The following OSBP2 variants were observed in gnomAD, a reference collection of about 807,000 sequenced individuals.
OSBP2 encodes the protein oxysterol binding protein 2, also known as oxysterol-binding protein 2.
Under a neutral mutation model 96.0 loss-of-function variants are expected in OSBP2, and 66 were observed. That is an observed-to-expected ratio of 0.69 (90% CI 0.56 to 0.84). The LOEUF (loss-of-function observed/expected upper bound fraction) is 0.84, where lower values mean the gene tolerates loss of function less well. OSBP2 is among the 40% of genes least tolerant of loss of function. The pLI is 0.00. For missense variants in OSBP2, 1,038 were observed against 1,222.7 expected (o/e 0.85, Z 2.25); for synonymous variants, 525 against 520.9 (o/e 1.01, Z -0.11).
At position 30,876,608 on chromosome 22, in the gene OSBP2, T is replaced by G. The variant is rs542569420; in HGVS notation, c.1107+5926T>G. 1.1e-4 allele frequency among the ~76,000 whole-genome samples: 17 copies of G among 152,332 alleles called. 1 individual carries two copies. The South Asian group carries it at 3.5e-3, about 32-fold the overall frequency. ...CCACCTGTCCCTGGTTGCGTCTTCC[T>G]GCCCTGGTGGCAGTTCCCCCAACAC... On this transcript the variant is annotated intron_variant, in intron 3 of 13. Coordinates refer to ENST00000332585, the MANE Select transcript of OSBP2 (RefSeq NM_030758.4).
At chr22:30,816,444 G>A (rs764380169) in intron 2 of OSBP2, among the ~76,000 whole-genome samples, 53 of 152,228 alleles carry the variant, frequency 3.5e-4, no homozygotes, top group Non-Finnish European at 6.3e-4. Flanking sequence ...CTGAGAAGAC[G>A]CTGATCTCCT....
In OSBP2 at chr22:30,819,116, C is replaced by T. The variant is rs568211441; in HGVS notation, c.854-51313C>T. Among the ~76,000 whole-genome samples the T allele has an allele frequency of 2.6e-5, 4 of 152,312 alleles. No homozygotes were observed. In the South Asian group the frequency reaches 8.3e-4, roughly 32 times the overall value. On this transcript the variant is annotated intron_variant, in intron 2 of 13. Coordinates refer to ENST00000332585, the MANE Select transcript of OSBP2 (RefSeq NM_030758.4). ...TTGAGAGGCCAAGGTGGGTGGATCA[C>T]CTGAGGTCAGGAGTTCAAGACCAGC...
At chr22:30,788,805 C>T (rs1223153475) in intron 2 of OSBP2, among the ~76,000 whole-genome samples, 8 of 152,164 alleles carry the variant, frequency 5.3e-5, no homozygotes, top group African/African-American at 9.6e-5. Context: ...CTCTGCCTCC[C>T]GGGTTCAAGC....
intron 2 of OSBP2, among the ~76,000 whole-genome samples, chr22:30,775,660 G>A (rs1276997462): frequency 6.6e-6 from 1 of 152,044 alleles, no homozygotes; most frequent in African/African-American, 2.4e-5. Context: ...TCAAGACCAC[G>A]ATCCTACCTG....
chr22:30,743,524 C>A (rs986685014), intron 2 of OSBP2, among the ~76,000 whole-genome samples: 2 of 152,040 alleles, frequency 1.3e-5, no homozygotes, highest in Admixed American at 6.6e-5. Flanking sequence ...GTGTTGGGAC[C>A]CCCAGAAGGA....
At chr22:30,886,569 C>A (rs534545444) in intron 3 of OSBP2, among the ~76,000 whole-genome samples, 29 of 152,270 alleles carry the variant, frequency 1.9e-4, no homozygotes, top group African/African-American at 7.0e-4. Flanking sequence ...TTTTCCCCCA[C>A]AAAGGACAGC....
At chr22:30,886,527 C>A (rs1195157608) in intron 3 of OSBP2, among the ~76,000 whole-genome samples, 1 of 152,208 alleles carries the variant, frequency 6.6e-6, no homozygotes, top group African/African-American at 2.4e-5. Flanking sequence ...AACGATCTAG[C>A]TCTGTGAATA....
chr22:30,880,248 G>A (rs934790658), intron 3 of OSBP2, among the ~76,000 whole-genome samples: 12 of 152,214 alleles, frequency 7.9e-5, no homozygotes, highest in Admixed American at 2.6e-4. Flanking sequence ...GAGGATCAGC[G>A]TGGAGGGTGG....
intron 2 of OSBP2, among the ~76,000 whole-genome samples, chr22:30,750,425 A>AT (rs1294646091): frequency 6.6e-6 from 1 of 152,182 alleles, no homozygotes; most frequent in Non-Finnish European, 1.5e-5. Context: ...CTGGTGGGTC[A>AT]TGTGCCCCAT....
chr22:30,719,412 G>A (rs979345016), intron 1 of OSBP2, among the ~76,000 whole-genome samples: 6 of 151,974 alleles, frequency 3.9e-5, no homozygotes, highest in African/African-American at 1.5e-4. Context: ...CCAGGGCCCT[G>A]GAAAAGTTGC....
At chr22:30,710,674 G>A (rs1280767931) in intron 1 of OSBP2, among the ~76,000 whole-genome samples, 3 of 151,572 alleles carry the variant, frequency 2.0e-5, no homozygotes, top group Admixed American at 6.6e-5. Flanking sequence ...ACAGTGGTGC[G>A]ATCTCAGCTC....
chr22:30,861,511 C>CT (rs920073250), intron 2 of OSBP2, among the ~76,000 whole-genome samples: 1 of 152,296 alleles, frequency 6.6e-6, no homozygotes, highest in Non-Finnish European at 1.5e-5. Context: ...GGCGCTCTGG[C>CT]TTGGGTTTTC....
intron 2 of OSBP2, among the ~76,000 whole-genome samples, chr22:30,755,032 G>A (rs115430056): frequency 0.029 from 4,444 of 152,214 alleles, 86 homozygotes; most frequent in Middle Eastern, 0.051. Flanking sequence ...CTTTCTTGCT[G>A]GGACCCTATC....
At chr22:30,836,544 C>A (rs2038636579) in intron 2 of OSBP2, among the ~76,000 whole-genome samples, 1 of 152,216 alleles carries the variant, frequency 6.6e-6, no homozygotes, top group Admixed American at 6.5e-5. Flanking sequence ...TTCATTGTAA[C>A]CCCCTGAATA....
At position 30,822,667 on chromosome 22, in the gene OSBP2, C is replaced by G. The variant is rs1409838878; in HGVS notation, c.854-47762C>G. 5 of 1,533,964 alleles carry G rather than the reference C, an allele frequency of 3.3e-6. No individual in the cohort carries two copies. In the South Asian group the frequency reaches 3.6e-5, roughly 11 times the overall value. On this transcript the variant is annotated intron_variant, in intron 2 of 13. Transcript: ENST00000332585. ...CGGCTGCTGGGACACGGCCTCCGTG[C>G]GCTCCTTCTGCAGCTCCGGCTGCCT...
At chr22:30,816,561 C>T (rs2091085399) in intron 2 of OSBP2, among the ~76,000 whole-genome samples, 1 of 152,214 alleles carries the variant, frequency 6.6e-6, no homozygotes, top group Non-Finnish European at 1.5e-5. Context: ...GATGCCAGTG[C>T]AACCCCGTGC....
intron 2 of OSBP2, among the ~76,000 whole-genome samples, chr22:30,858,433 A>C (rs901013665): frequency 4.0e-5 from 6 of 151,110 alleles, no homozygotes; most frequent in African/African-American, 7.3e-5. Context: ...GGTGTGAGCC[A>C]CCGCGCCCGG....
Position 30,859,737 on chromosome 22 carries a change from C to T in OSBP2, c.854-10692C>T, listed in dbSNP as rs182856517. ...AGAGACTGGGAAAAGCATGATGGGC[C>T]GGATGAAAAAGCAAAACACCAAACT... On this transcript the variant is annotated intron_variant, in intron 2 of 13. Transcript: ENST00000332585. 2.5e-4 allele frequency among the ~76,000 whole-genome samples: 38 copies of T among 152,264 alleles called. No homozygotes were observed. In the East Asian group the frequency reaches 6.8e-3, roughly 27 times the overall value.
chr22:30,801,599 G>A (rs1335481433), intron 2 of OSBP2, among the ~76,000 whole-genome samples: 1 of 152,180 alleles, frequency 6.6e-6, no homozygotes, highest in East Asian at 1.9e-4. Context: ...CCTTCAAAGC[G>A]GGAGCTCACC....
Sources: allele counts gnomAD v4.1 joint callset (sites outside exome capture counted in the v4.1 genomes callset), GRCh38; gene constraint gnomAD v4.1.1; transcripts MANE v1.5; gene names NCBI Gene and HGNC (gene_info 2026-07-23, HGNC 2026-07-21).